The following TRAF3 variants were observed in gnomAD, a reference collection of about 807,000 sequenced individuals.
TRAF3 encodes the protein TNF receptor associated factor 3.
A neutral mutation model predicts 62.3 loss-of-function variants in TRAF3; 13 were observed. The ratio of observed to expected loss-of-function variants is 0.21; its 90% CI spans 0.14 to 0.33. The LOEUF (loss-of-function observed/expected upper bound fraction) is 0.33, where lower values mean the gene tolerates loss of function less well. Among genes scored for constraint, TRAF3 ranks in the 10% least tolerant of loss-of-function variants. TRAF3 has a pLI of 1.00. For missense variants in TRAF3, 440 were observed against 741.8 expected, an observed-to-expected ratio of 0.59 and a Z score of 4.73; for synonymous variants, 269 against 283.4, an observed-to-expected ratio of 0.95 and a Z score of 0.51.
chr14:102,889,590 G>GC lies in TRAF3; in HGVS notation c.687dup (p.Ser230GlnfsTer4). 6.2e-7 allele frequency: 1 copy of GC among 1,614,178 alleles called. No individual in the cohort carries two copies. Among genetic ancestry groups the GC allele is most frequent in the Admixed American group, 1.7e-5 (1 of 60,018 alleles). On this transcript the variant is annotated frameshift_variant, in exon 8 of 12. Coordinates refer to ENST00000392745, the MANE Select transcript of TRAF3 (RefSeq NM_145725.3). LOFTEE classifies it high-confidence loss of function. ...TGCACACTTGTCAGAGTGTGTCAAT[G>GC]CCCCCAGCACCTGTAGTTTTAAGCG...
chr14:102,885,991 C>T (rs1889360010), intron 6 of TRAF3, among the ~76,000 whole-genome samples, 198 bp from the exon 7 acceptor site: 1 of 152,166 alleles, frequency 6.6e-6, no homozygotes, highest in Non-Finnish European at 1.5e-5. Context: ...CTGACCAGAT[C>T]TTTGGAGATA....
Position 102,809,691 on chromosome 14 carries a change from C to T in TRAF3, c.-156-20643C>T, listed in dbSNP as rs145046353. Among the ~76,000 whole-genome samples the T allele has an allele frequency of 9.6e-3, 1,463 of 151,936 alleles. 15 individuals carry two copies. The highest frequency in any genetic ancestry group is 0.016 in the Non-Finnish European group (1,077 of 67,962). On this transcript the variant is annotated intron_variant, in intron 1 of 11. Transcript: ENST00000392745. ...GACCACAGGCGCTCGCCACCACACC[C>T]GGCTAATTTTTTGTATTTTTAGTAG...
intron 1 of TRAF3, among the ~76,000 whole-genome samples, chr14:102,813,608 G>A (rs1255879391): frequency 1.3e-5 from 2 of 151,586 alleles, no homozygotes; most frequent in Admixed American, 6.6e-5. Flanking sequence ...ACACCACCAC[G>A]ACCTGCTAAT....
intron 1 of TRAF3, among the ~76,000 whole-genome samples, chr14:102,825,975 G>A (rs542655733): frequency 2.0e-5 from 3 of 152,340 alleles, no homozygotes; most frequent in African/African-American, 7.2e-5. Flanking sequence ...TTACGCGGAG[G>A]CATGTCTGCT....
chr14:102,825,815 T>G (rs981550544), intron 1 of TRAF3, among the ~76,000 whole-genome samples: 1 of 152,238 alleles, frequency 6.6e-6, no homozygotes, highest in Non-Finnish European at 1.5e-5. Context: ...CTAGAAGCGC[T>G]TGATGAAAGT....
chr14:102,881,632 G>A (rs540128417), intron 6 of TRAF3, among the ~76,000 whole-genome samples: 2 of 152,260 alleles, frequency 1.3e-5, no homozygotes, highest in South Asian at 2.1e-4. Context: ...AATGGATGCG[G>A]GGCTTAATAA....
chr14:102,785,582 A>G (rs565035485), intron 1 of TRAF3, among the ~76,000 whole-genome samples: 2 of 152,322 alleles, frequency 1.3e-5, no homozygotes, highest in East Asian at 1.9e-4. Context: ...GCTAGTACCT[A>G]TTCATCTTGA....
chr14:102,867,726 T>A (rs1217431925), intron 2 of TRAF3, among the ~76,000 whole-genome samples: 1 of 152,206 alleles, frequency 6.6e-6, no homozygotes, highest in African/African-American at 2.4e-5. Flanking sequence ...GTGCCCTTGC[T>A]ACTTAGCTTG....
chr14:102,886,764 A>G (rs72704726), intron 7 of TRAF3, among the ~76,000 whole-genome samples: 39,268 of 152,050 alleles, frequency 0.26, 5,967 homozygotes, highest in East Asian at 0.4. Context: ...CTCAAAAACA[A>G]AACAAAACAA....
chr14:102,792,874 C>G (rs1030140948), intron 1 of TRAF3, among the ~76,000 whole-genome samples: 2 of 151,626 alleles, frequency 1.3e-5, no homozygotes, highest in African/African-American at 4.8e-5. Context: ...CAAAGTCTTC[C>G]TTTGTCACCC....
At chr14:102,861,489 A>G (rs1265093377) in intron 2 of TRAF3, among the ~76,000 whole-genome samples, 2 of 152,160 alleles carry the variant, frequency 1.3e-5, no homozygotes, top group Non-Finnish European at 2.9e-5. Flanking sequence ...AACTCTCCTA[A>G]GTTGGGCCTC....
chr14:102,852,610 A>C (rs1451207191), intron 2 of TRAF3, among the ~76,000 whole-genome samples: 1 of 152,228 alleles, frequency 6.6e-6, no homozygotes, highest in Non-Finnish European at 1.5e-5. Flanking sequence ...TGAGATACTT[A>C]GGATGACATG....
chr14:102,858,281 AG>A (rs1423204805), intron 2 of TRAF3, among the ~76,000 whole-genome samples: 1 of 151,910 alleles, frequency 6.6e-6, no homozygotes, highest in Non-Finnish European at 1.5e-5. Flanking sequence ...CCTCCTGAGT[AG>A]CTGGGCTTAC....
intron 1 of TRAF3, among the ~76,000 whole-genome samples, chr14:102,797,939 G>A (rs1378375808): frequency 1.3e-5 from 2 of 152,060 alleles, no homozygotes; most frequent in African/African-American, 4.8e-5. Flanking sequence ...GTTTCACCAT[G>A]TTGGTCAGGC....
intron 2 of TRAF3, among the ~76,000 whole-genome samples, chr14:102,841,999 C>G (rs1886398684): frequency 6.6e-6 from 1 of 152,096 alleles, no homozygotes; most frequent in Non-Finnish European, 1.5e-5. Context: ...AATCCCAATT[C>G]TTTGGGAGGC....
At chr14:102,848,942 G>GTGT (rs768285694) in intron 2 of TRAF3, among the ~76,000 whole-genome samples, 3 of 152,132 alleles carry the variant, frequency 2.0e-5, no homozygotes, top group African/African-American at 4.8e-5. Flanking sequence ...GTGAGATCCA[G>GTGT]TGTTGTTGTT....
chr14:102,864,767 C>T (rs563958717), intron 2 of TRAF3, among the ~76,000 whole-genome samples: 1 of 152,256 alleles, frequency 6.6e-6, no homozygotes, highest in South Asian at 2.1e-4. Context: ...GAAATGTTTC[C>T]TTGGCAGCCT....
At chr14:102,806,129 G>C (rs1898759311) in intron 1 of TRAF3, among the ~76,000 whole-genome samples, 1 of 152,176 alleles carries the variant, frequency 6.6e-6, no homozygotes, top group South Asian at 2.1e-4. Context: ...GAGGGATGCT[G>C]TGAACACCCT....
chr14:102,790,416 ATGC>A (rs911469932), intron 1 of TRAF3, among the ~76,000 whole-genome samples: 1 of 152,172 alleles, frequency 6.6e-6, no homozygotes, highest in African/African-American at 2.4e-5. Context: ...GTCTGTTCTC[ATGC>A]TGCTAATAAA....
Sources: gnomAD v4.1 joint callset for allele counts (sites outside exome capture counted in the v4.1 genomes callset) on GRCh38, gnomAD v4.1.1 for gene constraint, MANE v1.5 for transcripts, NCBI Gene and HGNC (gene_info 2026-07-23, HGNC 2026-07-21) for gene names.